Variants in ILRUN observed in about 807,000 individuals in gnomAD.
ILRUN encodes inflammation and lipid regulator with UBA-like and NBR1-like domains.
ILRUN carries 3 observed loss-of-function variants against 33.8 expected under a neutral mutation model. That is an observed-to-expected ratio of 0.09 (90% CI 0.04 to 0.23). The LOEUF is 0.23. ILRUN is among the 10% of genes least tolerant of loss of function. The pLI is 1.00. For synonymous variants in ILRUN, 124 were observed against 138.9 expected, an observed-to-expected ratio of 0.89 and a Z score of 0.75; for missense variants, 210 against 375.1, an observed-to-expected ratio of 0.56 and a Z score of 3.64.
intron 4 of ILRUN, among the ~76,000 whole-genome samples, chr6:34,601,240 C>T (rs1022652434): frequency 6.6e-6 from 1 of 152,198 alleles, no homozygotes; most frequent in Non-Finnish European, 1.5e-5. Flanking sequence ...AGCACAGTGC[C>T]TGGCGCATAA....
intron 4 of ILRUN, among the ~76,000 whole-genome samples, chr6:34,597,472 A>G (rs1467271033): frequency 1.3e-5 from 2 of 152,214 alleles, no homozygotes; most frequent in East Asian, 3.8e-4. Context: ...AGGACACAGG[A>G]TAAGGCTGCT....
At chr6:34,590,934 T>C (rs1761281800) in intron 4 of ILRUN, among the ~76,000 whole-genome samples, 1 of 152,204 alleles carries the variant, frequency 6.6e-6, no homozygotes, top group Admixed American at 6.5e-5. Context: ...GACAAAAATG[T>C]CTCAACCACT....
chr6:34,601,710 C>A (rs1044567451), intron 4 of ILRUN, among the ~76,000 whole-genome samples: 1 of 148,162 alleles, frequency 6.7e-6, no homozygotes, highest in Non-Finnish European at 1.5e-5. Context: ...TACCCGCCCC[C>A]CCAACTACTG....
Position 34,606,943 on chromosome 6 carries a change from C to T in ILRUN, c.512-39G>A, listed in dbSNP as rs776475035. 127 of 1,493,546 alleles carry T rather than the reference C, an allele frequency of 8.5e-5. 1 individual carries two copies. The Middle Eastern group carries it at 1.4e-3, about 17-fold the overall frequency. 92.5% of individuals were successfully genotyped at this position (1,493,546 alleles called of 1,614,324 possible). On this transcript the variant is annotated intron_variant, in intron 3 of 4. Coordinates refer to ENST00000374023, the MANE Select transcript of ILRUN (RefSeq NM_024294.4). ...GTAACTCATTTCAATGCCAGGCTTA[C>T]CCTTAAAGGCCCAAGATAGCCACCA...
chr6:34,600,796 C>G (rs745611379), intron 4 of ILRUN, among the ~76,000 whole-genome samples: 1 of 152,150 alleles, frequency 6.6e-6, no homozygotes, highest in Non-Finnish European at 1.5e-5. Flanking sequence ...TCATTTAAAA[C>G]GTAGCTGTAC....
In ILRUN at chr6:34,592,238, G is replaced by A. The variant is rs148186345; in HGVS notation, c.862-1638C>T. On this transcript the variant is annotated intron_variant, in intron 4 of 4. Coordinates refer to ENST00000374023, the MANE Select transcript of ILRUN (RefSeq NM_024294.4). This position sits in a 1 kb window ranked among gnomAD's most constrained non-coding sequence, Gnocchi z 4.0. ...CATCCACTACGTGCCAGGTGCTGCAGTAGCACCTAACATGTTCTCTTTAGC... is the reference window on the plus strand; with the variant it reads ...CATCCACTACGTGCCAGGTGCTGCAATAGCACCTAACATGTTCTCTTTAGC... 5.5e-3 allele frequency among the ~76,000 whole-genome samples: 836 copies of A among 152,390 alleles called. 4 individuals are homozygous for A. The highest frequency in any genetic ancestry group is 0.016 in the African/African-American group (652 of 41,598).
At chr6:34,610,229 A>G (rs1425914024) in intron 3 of ILRUN, among the ~76,000 whole-genome samples, 1 of 152,220 alleles carries the variant, frequency 6.6e-6, no homozygotes, top group East Asian at 1.9e-4. Flanking sequence ...AACTAGCAAC[A>G]TAAAAGTTAA....
intron 1 of ILRUN, among the ~76,000 whole-genome samples, chr6:34,663,252 T>C (rs1762925269): frequency 6.6e-6 from 1 of 152,000 alleles, no homozygotes; most frequent in Non-Finnish European, 1.5e-5. Flanking sequence ...TGAGACTCTG[T>C]CTCTACAAAA....
At position 34,590,182 on chromosome 6, in the gene ILRUN, C is replaced by T. The variant is rs1186599181; in HGVS notation, c.*383G>A. On this transcript the variant is annotated 3_prime_UTR_variant, in exon 5 of 5. Transcript: ENST00000374023. ...GTGGGGAAAGAGGGAAAAAAATTAA[C>T]ATGTGCTCAAAACTACAACCTTTCT... 1 of 166,310 alleles carries T rather than the reference C, an allele frequency of 6.0e-6. No individual in the cohort carries two copies. Among genetic ancestry groups the T allele is most frequent in the East Asian group, 1.6e-4 (1 of 6,298 alleles). The allele number at this position is 166,310 out of a possible 1,614,324, so 10.3% of individuals were successfully genotyped here.
intron 3 of ILRUN, among the ~76,000 whole-genome samples, chr6:34,643,089 A>G (rs2127357528): frequency 6.6e-6 from 1 of 152,132 alleles, no homozygotes; most frequent in South Asian, 2.1e-4. Context: ...TGAGGTCAGG[A>G]GTTCAAGAAC....
chr6:34,616,536 C>T, intron 3 of ILRUN: 13 of 1,161,620 alleles, frequency 1.1e-5, no homozygotes, highest in Non-Finnish European at 1.6e-5. Flanking sequence ...CAGGCTGGAA[C>T]CATGGAGGGT....
At chr6:34,656,368 G>A (rs1295954351) in intron 1 of ILRUN, among the ~76,000 whole-genome samples, 1 of 152,092 alleles carries the variant, frequency 6.6e-6, no homozygotes, top group Non-Finnish European at 1.5e-5. Context: ...CTAAGCCAGA[G>A]TTCCCAACTG....
At chr6:34,677,884 G>A (rs1236276281) in intron 1 of ILRUN, among the ~76,000 whole-genome samples, 1 of 149,750 alleles carries the variant, frequency 6.7e-6, no homozygotes, top group Non-Finnish European at 1.5e-5. Flanking sequence ...AGGAGGTCGA[G>A]GCTGCAGTGA....
intron 1 of ILRUN, among the ~76,000 whole-genome samples, chr6:34,690,585 TC>T (rs144220666): frequency 9.3e-5 from 14 of 151,148 alleles, no homozygotes; most frequent in East Asian, 1.9e-4. Context: ...TGGTTTCCCA[TC>T]AAAAAAAAGC....
At chr6:34,595,671 G>A (rs2127308298) in intron 4 of ILRUN, 4 of 742,744 alleles carry the variant, frequency 5.4e-6, no homozygotes, top group Admixed American at 6.3e-5. Context: ...GTATACGAAA[G>A]CTTGTTGTTT....
rs1474186339 is a variant in ILRUN, at chr6:34,588,379, G to A, written c.*2186C>T. 1.0e-5 allele frequency: 4 copies of A among 397,176 alleles called. No individual in the cohort carries two copies. Among genetic ancestry groups the A allele is most frequent in the African/African-American group, 8.2e-5 (4 of 48,618 alleles). 24.6% of individuals were successfully genotyped at this position (397,176 alleles called of 1,614,324 possible). A position where few individuals can be genotyped will look rare whatever the true frequency, so the allele number is the denominator to read the frequency against. On this transcript the variant is annotated 3_prime_UTR_variant, in exon 5 of 5. Transcript: ENST00000374023. ...AAACTGGGAAGGGGCACCCAGTGTT[G>A]GGCAGAAGAGGAAGTCAGGAAAGCA...
intron 1 of ILRUN, among the ~76,000 whole-genome samples, chr6:34,684,950 C>T (rs1401670086): frequency 6.6e-6 from 1 of 152,150 alleles, no homozygotes; most frequent in Non-Finnish European, 1.5e-5. Flanking sequence ...CAACAAGGCC[C>T]TGTTAGAGGT....
In ILRUN at chr6:34,587,313, A is replaced by G. The variant is rs1448265320; in HGVS notation, c.*3252T>C. 6.6e-6 allele frequency: 1 copy of G among 152,644 alleles called. No homozygotes were observed. Among genetic ancestry groups the G allele is most frequent in the Non-Finnish European group, 1.5e-5 (1 of 68,052 alleles). 9.5% of individuals were successfully genotyped at this position (152,644 alleles called of 1,614,324 possible). ...TTTTTTTGGTGTGTGTGTTAATTTA[A>G]TCATACAAATATTCATTTATACAAT... On this transcript the variant is annotated 3_prime_UTR_variant, in exon 5 of 5. Transcript: ENST00000374023.
chr6:34,615,243 A>C (rs12201824), intron 3 of ILRUN, among the ~76,000 whole-genome samples: 22,403 of 152,232 alleles, frequency 0.15, 2,114 homozygotes, highest in Non-Finnish European at 0.21. Flanking sequence ...ATTACAAAAC[A>C]TACACTAAAA....
Sources: gnomAD v4.1 joint callset for allele counts (sites outside exome capture counted in the v4.1 genomes callset) on GRCh38, gnomAD v4.1.1 for gene constraint, Gnocchi (gnomAD v3.1) non-coding constraint, MANE v1.5 for transcripts, NCBI Gene and HGNC (gene_info 2026-07-23, HGNC 2026-07-21) for gene names.